Variants in HDAC9 observed in about 807,000 individuals in gnomAD.
HDAC9 encodes the protein histone deacetylase 9.
Under a neutral mutation model 139.4 loss-of-function variants are expected in HDAC9, and 41 were observed. That is an observed-to-expected ratio of 0.29 (90% CI 0.23 to 0.38). The LOEUF is 0.38. Among genes scored for constraint, HDAC9 ranks in the 10% least tolerant of loss-of-function variants. HDAC9 has a pLI of 1.00. For synonymous variants in HDAC9, 517 were observed against 476.2 expected (o/e 1.09, Z -1.12); for missense variants, 1,147 against 1,297.0 (o/e 0.88, Z 1.78).
At chr7:18,662,015 T>G (rs564284886) in intron 11 of HDAC9, among the ~76,000 whole-genome samples, 2 of 152,160 alleles carry the variant, frequency 1.3e-5, no homozygotes, top group Non-Finnish European at 2.9e-5. Flanking sequence ...TCTGTTAAAA[T>G]GTACATATAA....
chr7:18,970,268 GAAT>G (rs1398608438), intron 24 of HDAC9, among the ~76,000 whole-genome samples: 1 of 152,020 alleles, frequency 6.6e-6, no homozygotes, highest in Non-Finnish European at 1.5e-5. Flanking sequence ...TATTCAGCAG[GAAT>G]AATAATTCTG....
rs77079266 is a variant in HDAC9 at position 18,541,111 on chromosome 7, A to G, written c.23-44170A>G. ...TTTAACTTTCCCAGCTGGAAATAGC[A>G]TTAAGTGTTTCAAATATCCAAGGAA... On this transcript the variant is annotated intron_variant, in intron 2 of 25. Transcript: ENST00000686413. 9.0e-4 allele frequency among the ~76,000 whole-genome samples: 125 copies of G among 139,542 alleles called. 1 individual carries two copies. In the East Asian group the frequency reaches 0.022, roughly 25 times the overall value. The allele number at this position is 139,542 out of a possible 152,430, so 91.5% of individuals were successfully genotyped here.
chr7:18,338,953 G>A (rs1781788993), intron 1 of HDAC9, among the ~76,000 whole-genome samples: 1 of 151,524 alleles, frequency 6.6e-6, no homozygotes, highest in African/African-American at 2.4e-5. Context: ...TAAATATCGT[G>A]CTATTCATGC....
intron 2 of HDAC9, among the ~76,000 whole-genome samples, chr7:18,529,454 G>C (rs1808122745): frequency 6.6e-6 from 1 of 152,218 alleles, no homozygotes. Flanking sequence ...CCAACACTTA[G>C]TTTGGTATTT....
chr7:18,946,447 T>G (rs371079233), intron 23 of HDAC9, among the ~76,000 whole-genome samples: 34 of 152,012 alleles, frequency 2.2e-4, no homozygotes, highest in African/African-American at 8.2e-4. Flanking sequence ...TAAGGAAACT[T>G]TGAATGAAGG....
Position 18,990,359 on chromosome 7 carries a change from C to T in HDAC9, c.3171-5664C>T, listed in dbSNP as rs542816946. On this transcript the variant is annotated intron_variant, in intron 25 of 25. Transcript: ENST00000686413. ...AGGGGTGCCTCCCAGTTAGGCTGCT[C>T]GTGGGTCAGGGGTCAGGGACCCACT... 2.2e-3 allele frequency among the ~76,000 whole-genome samples: 331 copies of T among 152,284 alleles called. 1 individual carries two copies. The highest frequency in any genetic ancestry group is 7.7e-3 in the African/African-American group (318 of 41,568).
chr7:18,166,669 C>T (rs1404988687), intron 2 of HDAC9, among the ~76,000 whole-genome samples: 1 of 152,136 alleles, frequency 6.6e-6, no homozygotes, highest in Non-Finnish European at 1.5e-5. Context: ...TAATACAGCA[C>T]AACATCAGGT....
intron 1 of HDAC9, among the ~76,000 whole-genome samples, chr7:18,464,229 T>A (rs1310256109): frequency 1.3e-5 from 2 of 151,966 alleles, no homozygotes; most frequent in African/African-American, 2.4e-5. Context: ...ATATTTAAAA[T>A]TTCTTTTAAG....
At chr7:18,115,484 C>A (rs1783920179) in intron 1 of HDAC9, among the ~76,000 whole-genome samples, 2 of 152,096 alleles carry the variant, frequency 1.3e-5, no homozygotes, top group Non-Finnish European at 2.9e-5. Flanking sequence ...TACATTCCAC[C>A]ATGAAAATAC....
At chr7:18,653,986 C>G (rs76843964) in intron 11 of HDAC9, among the ~76,000 whole-genome samples, 7,726 of 151,986 alleles carry the variant, frequency 0.051, 602 homozygotes, top group African/African-American at 0.17. Flanking sequence ...GCATGCATGC[C>G]TGTGTGTGTG....
At chr7:18,117,940 C>T (rs1784113829) in intron 1 of HDAC9, among the ~76,000 whole-genome samples, 1 of 152,182 alleles carries the variant, frequency 6.6e-6, no homozygotes, top group East Asian at 1.9e-4. Context: ...TTCCTCCTCT[C>T]TTATGTTATT....
chr7:18,829,530 G>C lies in HDAC9; in HGVS notation c.2448G>C (p.Lys816Asn). 6.2e-7 allele frequency: 1 copy of C among 1,603,458 alleles called. No individual in the cohort carries two copies. Among genetic ancestry groups the C allele is most frequent in the South Asian group, 1.1e-5 (1 of 90,546 alleles). The part of the protein sequence containing the change: ...KYLRDQLNIS[K>N]ILIVDLDVHH... The stretch of plus-strand genomic sequence containing the variant: ...TGAGAGACCAACTAAATATAAGCAA[G>C]ATATTGATTGTAGATCTGGTATGTA... Residue 816 changes from lysine (K) to asparagine (N), a missense_variant, in exon 19 of 26, where the codon AAG becomes AAC. Physicochemically the swap from Lys to Asn is moderately conservative, Grantham distance 94. Transcript: ENST00000686413.
rs10281075 is a variant in HDAC9, at chr7:18,662,943, G to T, written c.1468-3270G>T. ...TGGCAGAGATTTAGTATTGACCAAG[G>T]TTAGAAGTCTTATTTGTCCAGTAAA... On this transcript the variant is annotated intron_variant, in intron 11 of 25. Transcript: ENST00000686413. Among the ~76,000 whole-genome samples, 857 of 152,144 alleles carry T rather than the reference G, an allele frequency of 5.6e-3. 12 individuals carry two copies. The highest frequency in any genetic ancestry group is 0.02 in the African/African-American group (824 of 41,526).
intron 24 of HDAC9, among the ~76,000 whole-genome samples, chr7:18,963,591 A>G (rs920369263): frequency 6.6e-6 from 1 of 152,216 alleles, no homozygotes; most frequent in Non-Finnish European, 1.5e-5. Context: ...AATAATGATA[A>G]TAGATAAAGA....
intron 1 of HDAC9, among the ~76,000 whole-genome samples, chr7:18,355,932 C>T (rs1289094704): frequency 6.6e-6 from 1 of 152,102 alleles, no homozygotes; most frequent in East Asian, 1.9e-4. Context: ...GGGTATTAGC[C>T]ATAAACTGGC....
At chr7:18,728,442 CACACAA>C (rs1785740710) in intron 13 of HDAC9, among the ~76,000 whole-genome samples, 1 of 139,900 alleles carries the variant, frequency 7.1e-6, no homozygotes, top group Non-Finnish European at 1.5e-5. Flanking sequence ...CACACACACA[CACACAA>C]AGGGTGCTAT....
intron 2 of HDAC9, among the ~76,000 whole-genome samples, chr7:18,224,461 A>C (rs924897218): frequency 6.6e-6 from 1 of 152,196 alleles, no homozygotes; most frequent in African/African-American, 2.4e-5. Context: ...ACATAGCAAC[A>C]TGGAAATAGG....
intron 23 of HDAC9, among the ~76,000 whole-genome samples, chr7:18,936,345 T>C (rs902322348): frequency 6.6e-6 from 1 of 152,200 alleles, no homozygotes; most frequent in African/African-American, 2.4e-5. Context: ...AAGAATTCTT[T>C]ATGCTAAGAG....
At chr7:18,105,130 G>T (rs12699965) in intron 1 of HDAC9, among the ~76,000 whole-genome samples, 14,179 of 36,992 alleles carry the variant, frequency 0.38, 3,118 homozygotes, top group East Asian at 0.71. Context: ...TTTCTAGATG[G>T]GGATTTCATC....
Sources: gnomAD v4.1 joint callset for allele counts (sites outside exome capture counted in the v4.1 genomes callset) on GRCh38, gnomAD v4.1.1 for gene constraint, MANE v1.5 for transcripts, NCBI Gene and HGNC (gene_info 2026-07-23, HGNC 2026-07-21) for gene names.